ADAMTSL1: variants seen among roughly 807,000 people sequenced by gnomAD.
The protein encoded by ADAMTSL1 is ADAMTS like 1.
In ADAMTSL1, 126 loss-of-function variants were observed where a neutral mutation model predicts 201.8. The observed-to-expected ratio is 0.62, with a 90% confidence interval of 0.54 to 0.72. The LOEUF (loss-of-function observed/expected upper bound fraction) is 0.72. ADAMTSL1 is among the 30% of genes least tolerant of loss of function. The pLI, the probability that ADAMTSL1 is intolerant of heterozygous loss-of-function variation, is 0.00. For missense variants in ADAMTSL1, 2,679 were observed against 2,277.8 expected (o/e 1.18, Z -3.59); for synonymous variants, 1,121 against 903.4 (o/e 1.24, Z -4.32).
intron 1 of ADAMTSL1, among the ~76,000 whole-genome samples, chr9:18,139,298 C>T (rs1381659406): frequency 6.6e-6 from 1 of 152,158 alleles, no homozygotes; most frequent in Non-Finnish European, 1.5e-5. Flanking sequence ...GAGGAGGGCA[C>T]ATGGCAGCAT....
chr9:18,588,876 T>TACATATACATATATATATATATATAC (rs1358240630), intron 4 of ADAMTSL1, among the ~76,000 whole-genome samples: 13 of 118,322 alleles, frequency 1.1e-4, no homozygotes, highest in East Asian at 8.3e-4. Flanking sequence ...GCCATATATA[T>TACATATACATATATATATATATATAC]ACATATACAT....
At chr9:18,546,115 C>G (rs1215284760) in intron 3 of ADAMTSL1, among the ~76,000 whole-genome samples, 1 of 152,118 alleles carries the variant, frequency 6.6e-6, no homozygotes, top group Non-Finnish European at 1.5e-5. Context: ...TAAACATTCT[C>G]TTTCTTTTAA....
intron 2 of ADAMTSL1, among the ~76,000 whole-genome samples, chr9:18,254,662 C>A: frequency 8.8e-6 from 1 of 114,038 alleles, no homozygotes; most frequent in Non-Finnish European, 1.7e-5. Context: ...CGCGCCTGCC[C>A]CCCCGCCCCC....
At chr9:18,502,741 A>G (rs1309069447) in intron 1 of ADAMTSL1, among the ~76,000 whole-genome samples, 1 of 152,164 alleles carries the variant, frequency 6.6e-6, no homozygotes, top group African/African-American at 2.4e-5. Flanking sequence ...ATCACCAGGC[A>G]GATGCAATAT....
chr9:18,528,222 A>T (rs1417698745), intron 2 of ADAMTSL1, among the ~76,000 whole-genome samples: 1 of 151,940 alleles, frequency 6.6e-6, no homozygotes. Flanking sequence ...TTTGGGGTTC[A>T]TGTGCAGGAT....
chr9:18,181,575 A>C (rs1828480365), intron 2 of ADAMTSL1, among the ~76,000 whole-genome samples: 1 of 152,128 alleles, frequency 6.6e-6, no homozygotes, highest in African/African-American at 2.4e-5. Context: ...TGCAAATCAA[A>C]ACCACAATGA....
intron 2 of ADAMTSL1, among the ~76,000 whole-genome samples, chr9:18,366,768 C>G (rs1836787499): frequency 6.6e-6 from 1 of 150,954 alleles, no homozygotes; most frequent in Non-Finnish European, 1.5e-5. Context: ...CAGGTACCTG[C>G]CACCATTCCC....
chr9:18,142,252 C>T (rs1384612173), intron 1 of ADAMTSL1, among the ~76,000 whole-genome samples: 1 of 152,152 alleles, frequency 6.6e-6, no homozygotes, highest in Non-Finnish European at 1.5e-5. Context: ...CAGAGCTCAC[C>T]AAATACATTA....
intron 1 of ADAMTSL1, among the ~76,000 whole-genome samples, chr9:18,028,458 G>A (rs923520448): frequency 6.6e-6 from 1 of 152,014 alleles, no homozygotes; most frequent in African/African-American, 2.4e-5. Context: ...ATCTTTTCTG[G>A]CTTGTAAGGT....
chr9:18,021,373 G>T (rs1156880026), intron 1 of ADAMTSL1, among the ~76,000 whole-genome samples: 1 of 152,086 alleles, frequency 6.6e-6, no homozygotes, highest in Non-Finnish European at 1.5e-5. Context: ...AATAGGTTAA[G>T]GATTTCACAT....
In ADAMTSL1 at chr9:18,233,606, G is replaced by A. The variant is rs189550570; in HGVS notation, c.207+69625G>A. Reference sequence around the variant, plus strand: ...CTAGGAGCCTGTAAAATTGCGAGGTGAGACAGACAGCAGACAAAGAGATGA... The same window carrying A: ...CTAGGAGCCTGTAAAATTGCGAGGTAAGACAGACAGCAGACAAAGAGATGA... On this transcript the variant is annotated intron_variant, in intron 2 of 29. Transcript: ENST00000680146. Among the ~76,000 whole-genome samples the A allele has an allele frequency of 3.9e-4, 59 of 151,788 alleles. No homozygotes were observed. The East Asian group carries it at 0.011, about 28-fold the overall frequency.
chr9:17,992,214 T>TG (rs1819184600), intron 1 of ADAMTSL1, among the ~76,000 whole-genome samples: 1 of 151,954 alleles, frequency 6.6e-6, no homozygotes, highest in South Asian at 2.1e-4. Flanking sequence ...GTGGAGAGGT[T>TG]GGGGGTAGGG....
chr9:18,217,098 C>A (rs1042831529), intron 2 of ADAMTSL1, among the ~76,000 whole-genome samples: 4 of 152,174 alleles, frequency 2.6e-5, no homozygotes, highest in African/African-American at 9.7e-5. Context: ...GGCATTTAAT[C>A]TGGGCTCTAA....
rs532530203 is a variant in ADAMTSL1, at chr9:18,360,661, A to G, written c.208-144168A>G. ...TCAAAGTGGGGCAGTTGCACATGAC[A>G]AAGAATTGTCCTGTGGCAGATGTCA... On this transcript the variant is annotated intron_variant, in intron 2 of 29. Coordinates refer to the ADAMTSL1 transcript ENST00000680146. The G allele has an allele frequency of 3.3e-5, 5 of 152,310 alleles. No individual in the cohort carries two copies. The East Asian group carries it at 7.7e-4, about 23-fold the overall frequency. The allele number at this position is 152,310 out of a possible 1,614,324, so 9.4% of individuals were successfully genotyped here. A position where few individuals can be genotyped will look rare whatever the true frequency, so the allele number is the denominator to read the frequency against.
intron 2 of ADAMTSL1, among the ~76,000 whole-genome samples, chr9:18,317,542 A>G (rs1402607556): frequency 6.6e-6 from 1 of 152,162 alleles, no homozygotes; most frequent in Non-Finnish European, 1.5e-5. Flanking sequence ...TTGGATATAT[A>G]TAATTTTTGT....
chr9:18,707,193 C>A, intron 14 of ADAMTSL1, 145 bp downstream of exon 14: 1 of 1,082,434 alleles, frequency 9.2e-7, no homozygotes, highest in Non-Finnish European at 1.3e-6. Flanking sequence ...ATGTAAAGCA[C>A]ACTGAATCAA....
At chr9:18,839,946 G>T (rs1258104062) in intron 23 of ADAMTSL1, among the ~76,000 whole-genome samples, 2 of 149,678 alleles carry the variant, frequency 1.3e-5, no homozygotes, top group East Asian at 3.9e-4. Flanking sequence ...CCCTTTGTCA[G>T]ATGAGTAGGT....
Position 18,183,795 on chromosome 9 carries a change from A to G in ADAMTSL1, c.207+19814A>G, listed in dbSNP as rs188585250. Among the ~76,000 whole-genome samples, 14 of 152,344 alleles carry G rather than the reference A, an allele frequency of 9.2e-5. No homozygotes were observed. In the East Asian group the frequency reaches 2.7e-3, roughly 29 times the overall value. The stretch of plus-strand genomic sequence containing the variant: ...AGTCTTTATTTACAGGTTGGATGAC[A>G]TTGGACGTAACTTTACTATTCTAAT... On this transcript the variant is annotated intron_variant, in intron 2 of 29. Coordinates refer to the ADAMTSL1 transcript ENST00000680146.
chr9:18,164,592 A>G (rs1827551759), intron 2 of ADAMTSL1, among the ~76,000 whole-genome samples: 2 of 151,792 alleles, frequency 1.3e-5, no homozygotes, highest in Admixed American at 6.6e-5. Context: ...TGAGAATTGG[A>G]CAGACAACTT....
Sources: allele counts gnomAD v4.1 joint callset (sites outside exome capture counted in the v4.1 genomes callset), GRCh38; gene constraint gnomAD v4.1.1; transcripts MANE v1.5; gene names NCBI Gene and HGNC (gene_info 2026-07-23, HGNC 2026-07-21).